PRDM2: variants seen among roughly 807,000 people sequenced by gnomAD.
PRDM2 encodes the protein PR domain zinc finger protein 2.
A neutral mutation model predicts 130.0 loss-of-function variants in PRDM2; 30 were observed. The observed-to-expected ratio is 0.23, with a 90% CI of 0.17 to 0.31. The LOEUF (loss-of-function observed/expected upper bound fraction) is 0.31, where lower values mean the gene tolerates loss of function less well. Ranked by LOEUF, PRDM2 falls within the 10% of genes least tolerant of loss-of-function variation. PRDM2 has a pLI of 1.00. For synonymous variants in PRDM2, 871 were observed against 782.4 expected, an observed-to-expected ratio of 1.11 and a Z score of -1.89; for missense variants, 2,011 against 2,108.4, an observed-to-expected ratio of 0.95 and a Z score of 0.90.
chr1:13,785,834 CTTT>C (rs537560305), intron 8 of PRDM2, among the ~76,000 whole-genome samples: 4 of 115,092 alleles, frequency 3.5e-5, no homozygotes, highest in Non-Finnish European at 3.7e-5. Flanking sequence ...TTTTTGGGTT[CTTT>C]TTTTTTTTTT....
At chr1:13,708,656 G>T (rs565169510) in intron 1 of PRDM2, among the ~76,000 whole-genome samples, 13 of 152,322 alleles carry the variant, frequency 8.5e-5, no homozygotes, top group Admixed American at 7.8e-4. Flanking sequence ...TGAAATGGGA[G>T]AAATTACTGG....
Position 13,778,577 on chromosome 1 carries a change from G to A in PRDM2, c.782G>A (p.Cys261Tyr), listed in dbSNP as rs753720970. The change falls in exon 8 of 10, where the codon TGT becomes TAT. Residue 261 changes from cysteine to tyrosine, a missense_variant. Around this residue, in one of 5 missense-constraint regions of PRDM2, gnomAD observed 1,288 missense variants for 1,237.7 expected, o/e 1.04. Transcript: ENST00000311066. The part of the protein sequence containing the change: ...EPDERLEAAA[C>Y]EVNDLGEEEE... ...GACGAGCGATTAGAAGCGGCAGCTT[G>A]TGAGGTGAATGATTTGGGGGAAGAG... 2 of 1,614,160 alleles carry A rather than the reference G, an allele frequency of 1.2e-6. No individual in the cohort carries two copies. The highest frequency in any genetic ancestry group is 1.6e-4 in the Middle Eastern group (1 of 6,062).
chr1:13,786,571 T>G, intron 8 of PRDM2: 1 of 1,604,924 alleles, frequency 6.2e-7, no homozygotes, highest in Non-Finnish European at 8.5e-7. Flanking sequence ...CTAAAAAGTA[T>G]TGCATGCTCA....
Position 13,781,420 on chromosome 1 carries a change from C to T in PRDM2, c.3625C>T (p.His1209Tyr), listed in dbSNP as rs1386854834. The T allele has an allele frequency of 6.6e-7, 1 of 1,519,274 alleles. No individual in the cohort carries two copies. The highest frequency in any genetic ancestry group is 8.9e-7 in the Non-Finnish European group (1 of 1,127,270). The allele number at this position is 1,519,274 out of a possible 1,614,324, so 94.1% of individuals were successfully genotyped here. Residue 1209 changes from histidine (H) to tyrosine (Y), a missense_variant, in exon 8 of 10, where the codon CAC becomes TAC. Physicochemically the swap from His to Tyr is moderately conservative, Grantham distance 83 (BLOSUM62 2). Around this residue, in one of 5 missense-constraint regions of PRDM2, gnomAD observed 229 missense variants for 364.1 expected, o/e 0.63. Coordinates refer to ENST00000311066, the MANE Select transcript of PRDM2 (RefSeq NM_001393986.1). This position sits in a 1 kb window ranked among gnomAD's most constrained non-coding sequence, Gnocchi z 6.1. ...EFAFLCNLQQ[H>Y]QRDLHPDKVC... ...TGCTTTTTTGTGCAATTTGCAGCAGCACCAGCGAGATCTCCACCCAGATAA... is the reference window on the plus strand; with the variant it reads ...TGCTTTTTTGTGCAATTTGCAGCAGTACCAGCGAGATCTCCACCCAGATAA...
At chr1:13,712,076 T>A (rs113228152) in intron 1 of PRDM2, among the ~76,000 whole-genome samples, 1 of 148,016 alleles carries the variant, frequency 6.8e-6, no homozygotes, top group Admixed American at 6.7e-5. Flanking sequence ...AAAAAAAAAT[T>A]AGCCAGGCAT....
In PRDM2 at chr1:13,779,927, T is replaced by A. The variant is rs1403607732; in HGVS notation, c.2132T>A (p.Ile711Lys). The change falls in exon 8 of 10, where the codon ATA (isoleucine) becomes AAA (lysine). Residue 711 changes from isoleucine (I) to lysine (K), a missense_variant. Physicochemically the swap from Ile to Lys is moderately radical, Grantham distance 102. Transcript: ENST00000311066. This position sits in a 1 kb window ranked among gnomAD's most constrained non-coding sequence, Gnocchi z 4.9. ...LTPAGISATE[I>K]AKLGPVCVSA... ...CCTGCAGGGATTTCAGCAACTGAAATAGCTAAATTAGGTCCTGTTTGTGTG... is the reference window on the plus strand; with the variant it reads ...CCTGCAGGGATTTCAGCAACTGAAAAAGCTAAATTAGGTCCTGTTTGTGTG... The A allele has an allele frequency of 5.6e-6, 9 of 1,613,984 alleles. No individual in the cohort carries two copies. Among genetic ancestry groups the A allele is most frequent in the Non-Finnish European group, 5.9e-6 (7 of 1,180,010 alleles).
At chr1:13,814,434 G>A (rs1645225212) in intron 8 of PRDM2, among the ~76,000 whole-genome samples, 1 of 152,210 alleles carries the variant, frequency 6.6e-6, no homozygotes, top group South Asian at 2.1e-4. Context: ...TCTTAGTCTT[G>A]TCTAAGGCTT....
intron 7 of PRDM2, among the ~76,000 whole-genome samples, chr1:13,777,898 A>G (rs1191080743): frequency 6.6e-6 from 1 of 152,090 alleles, no homozygotes; most frequent in African/African-American, 2.4e-5. Flanking sequence ...AAAATGTTCT[A>G]GCTTCTGAGA....
intron 1 of PRDM2, among the ~76,000 whole-genome samples, chr1:13,712,775 AAAAG>A (rs1642411530): frequency 6.6e-6 from 1 of 151,828 alleles, no homozygotes; most frequent in Admixed American, 6.6e-5. Flanking sequence ...ACAAACAAAA[AAAAG>A]AAATAAAATC....
At chr1:13,763,753 A>C (rs1644159152) in intron 6 of PRDM2, among the ~76,000 whole-genome samples, 1 of 152,128 alleles carries the variant, frequency 6.6e-6, no homozygotes, top group African/African-American at 2.4e-5. Context: ...TTTTGTGTGT[A>C]ATGTAACCAA....
chr1:13,781,817 G>A lies in PRDM2; in HGVS notation c.4022G>A (p.Gly1341Asp). Residue 1341 changes from glycine (G) to aspartate (D), a missense_variant, in exon 8 of 10, where the codon GGT becomes GAT. This residue lies in a region of PRDM2 where 229 missense variants were observed against 364.1 expected (regional missense o/e 0.63). Transcript: ENST00000311066. This position sits in a 1 kb window ranked among gnomAD's most constrained non-coding sequence, Gnocchi z 6.1. ...TAIRCTKCGK[G>D]VDNMPELHKH... is the part of the protein sequence containing the mutation. The stretch of plus-strand genomic sequence containing the variant: ...ATTCGCTGCACAAAGTGTGGAAAAG[G>A]TGTCGACAATATGCCGGAGTTGCAC... 1 of 1,614,192 alleles carries A rather than the reference G, an allele frequency of 6.2e-7. No individual in the cohort carries two copies. The highest frequency in any genetic ancestry group is 1.1e-5 in the South Asian group (1 of 91,088).
intron 4 of PRDM2, among the ~76,000 whole-genome samples, chr1:13,733,619 A>T (rs1177264738): frequency 6.6e-6 from 1 of 152,240 alleles, no homozygotes; most frequent in Non-Finnish European, 1.5e-5. Flanking sequence ...TCTGGGCTAG[A>T]AAACCCTCAA....
rs769189036 is a variant in PRDM2 at position 13,780,329 on chromosome 1, A to G, written c.2534A>G (p.Glu845Gly). 2 of 1,614,188 alleles carry G rather than the reference A, an allele frequency of 1.2e-6. No individual in the cohort carries two copies. Among genetic ancestry groups the G allele is most frequent in the Non-Finnish European group, 1.7e-6 (2 of 1,180,048 alleles). Residue 845 changes from glutamate (E) to glycine (G), a missense_variant, in exon 8 of 10, where the codon GAA becomes GGA. By Grantham distance (98) the Glu-to-Gly change is moderately conservative. This residue lies in a region of PRDM2 where 1,288 missense variants were observed against 1,237.7 expected (regional missense o/e 1.04). Transcript: ENST00000311066. Reference sequence around the variant, plus strand: ...ACAGGCAAGACTCCAGTCCAGTGGGAATCTGTCTTAGATCTCAGTGTGCAT... The same window carrying G: ...ACAGGCAAGACTCCAGTCCAGTGGGGATCTGTCTTAGATCTCAGTGTGCAT... ...EGTGKTPVQW[E>G]SVLDLSVHKK... is the part of the protein sequence containing the mutation.
At chr1:13,709,674 A>G (rs917732211) in intron 1 of PRDM2, among the ~76,000 whole-genome samples, 1 of 152,120 alleles carries the variant, frequency 6.6e-6, no homozygotes, top group African/African-American at 2.4e-5. Flanking sequence ...CCTTTCCCAA[A>G]ATGGCAACTG....
chr1:13,721,107 C>T (rs978572180), intron 2 of PRDM2, among the ~76,000 whole-genome samples: 1 of 152,182 alleles, frequency 6.6e-6, no homozygotes, highest in African/African-American at 2.4e-5. Context: ...GAGTGGAATA[C>T]ATATAGTCCT....
intron 8 of PRDM2, among the ~76,000 whole-genome samples, chr1:13,783,431 G>C (rs1007047861): frequency 1.3e-5 from 2 of 152,216 alleles, no homozygotes; most frequent in African/African-American, 4.8e-5. Flanking sequence ...AACAAGTCAG[G>C]ATCTGGATGG....
chr1:13,802,761 A>G (rs942033340), intron 8 of PRDM2, among the ~76,000 whole-genome samples: 1 of 152,102 alleles, frequency 6.6e-6, no homozygotes, highest in Non-Finnish European at 1.5e-5. Context: ...TGCTTTTTAT[A>G]TGTTCATCAG....
rs1313450874 is a variant in PRDM2 at position 13,780,511 on chromosome 1, C to G, written c.2716C>G (p.Pro906Ala). Residue 906 changes from proline (P) to alanine (A), a missense_variant, in exon 8 of 10, where the codon CCT becomes GCT. Physicochemically the swap from Pro to Ala is conservative, Grantham distance 27 (BLOSUM62 -1). This residue lies in a region of PRDM2 where 1,288 missense variants were observed against 1,237.7 expected (regional missense o/e 1.04). Coordinates refer to ENST00000311066, the MANE Select transcript of PRDM2 (RefSeq NM_001393986.1). ...YNGIDLPVEN[P>A]ADGTRSPSPC... ...TGGCATCGATTTACCTGTAGAAAACCCTGCAGATGGGACCAGGAGCCCAAG... is the reference window on the plus strand; with the variant it reads ...TGGCATCGATTTACCTGTAGAAAACGCTGCAGATGGGACCAGGAGCCCAAG... 1.2e-6 allele frequency: 2 copies of G among 1,614,058 alleles called. No individual in the cohort carries two copies. The highest frequency in any genetic ancestry group is 1.7e-6 in the Non-Finnish European group (2 of 1,180,054).
chr1:13,822,140 A>G lies in PRDM2; in HGVS notation c.*24-1019A>G, dbSNP rs1440390108. ...GGGTACCTCAGGACCCAGCAGTCCCACTGCAGGGGACACACTCAGCAGATA... is the reference window on the plus strand; with the variant it reads ...GGGTACCTCAGGACCCAGCAGTCCCGCTGCAGGGGACACACTCAGCAGATA... On this transcript the variant is annotated intron_variant, in intron 9 of 9. Transcript: ENST00000311066. Among the ~76,000 whole-genome samples the G allele has an allele frequency of 1.1e-4, 16 of 152,238 alleles. No homozygotes were observed. In the East Asian group the frequency reaches 3.1e-3, roughly 29 times the overall value.
Sources: allele counts gnomAD v4.1 joint callset (sites outside exome capture counted in the v4.1 genomes callset), GRCh38; gene constraint gnomAD v4.1.1; regional missense constraint gnomAD v4.1.1; non-coding constraint Gnocchi (gnomAD v3.1); transcripts MANE v1.5; gene names NCBI Gene and HGNC (gene_info 2026-07-23, HGNC 2026-07-21).